COL5A1: variants seen among roughly 807,000 people sequenced by gnomAD.
COL5A1 encodes the protein collagen type V alpha 1 chain.
COL5A1 carries 16 observed loss-of-function variants against 263.7 expected under a neutral mutation model. The observed-to-expected ratio is 0.06, with a 90% CI of 0.04 to 0.09. COL5A1 has a LOEUF of 0.09. Among genes scored for constraint, COL5A1 ranks in the 10% least tolerant of loss-of-function variants. The pLI is 1.00. For synonymous variants in COL5A1, 1,012 were observed against 1,004.5 expected (o/e 1.01, Z -0.14); for missense variants, 2,036 against 2,540.5 (o/e 0.80, Z 4.27).
chr9:134,738,640 G>C, intron 10 of COL5A1, 106 bp from the exon 11 acceptor site: 1 of 1,528,976 alleles, frequency 6.5e-7, no homozygotes, highest in Admixed American at 1.7e-5. Context: ...TCCCCTGGGA[G>C]CCGGCGCTAT....
At chr9:134,646,079 C>T (rs1588395700) in intron 1 of COL5A1, among the ~76,000 whole-genome samples, 1 of 152,124 alleles carries the variant, frequency 6.6e-6, no homozygotes, top group African/African-American at 2.4e-5. Flanking sequence ...CAGCCACAGT[C>T]TCCACCACTT....
At chr9:134,763,290 T>C (rs1037373804) in intron 19 of COL5A1, among the ~76,000 whole-genome samples, 10 of 152,188 alleles carry the variant, frequency 6.6e-5, no homozygotes, top group African/African-American at 2.4e-4. Context: ...TTCCAGGCTG[T>C]TTAGGACCCC....
At chr9:134,760,092 C>A (rs1357561509) in intron 18 of COL5A1, among the ~76,000 whole-genome samples, 19 of 122,312 alleles carry the variant, frequency 1.6e-4, no homozygotes, top group African/African-American at 4.9e-4. Flanking sequence ...GCATACACGC[C>A]CACACACCCC....
intron 63 of COL5A1, among the ~76,000 whole-genome samples, chr9:134,827,121 T>C (rs1404389924): frequency 2.0e-5 from 3 of 152,210 alleles, no homozygotes; most frequent in African/African-American, 7.2e-5. Context: ...AGCGGTTTGC[T>C]GTGCAGGTCC....
At chr9:134,722,493 C>T (rs1452387709) in intron 4 of COL5A1, among the ~76,000 whole-genome samples, 2 of 152,154 alleles carry the variant, frequency 1.3e-5, no homozygotes, top group African/African-American at 2.4e-5. Context: ...CGGGGTTGTG[C>T]CGGACACGCC....
At chr9:134,711,120 C>T (rs1164225701) in intron 4 of COL5A1, among the ~76,000 whole-genome samples, 1 of 152,114 alleles carries the variant, frequency 6.6e-6, no homozygotes, top group Non-Finnish European at 1.5e-5. Context: ...CCACAGCTGG[C>T]CTCCGCCTCT....
intron 1 of COL5A1, among the ~76,000 whole-genome samples, chr9:134,684,344 G>C (rs1401580191): frequency 6.6e-6 from 1 of 152,218 alleles, no homozygotes; most frequent in Non-Finnish European, 1.5e-5. Flanking sequence ...GGGGGAAACA[G>C]AGCGTTGCTG....
Position 134,822,718 on chromosome 9 carries a change from G to GCCCCCC in COL5A1, c.4609-279_4609-278insCCCCCC, listed in dbSNP as rs370666409. Reference sequence around the variant, plus strand: ...GAGCCAGGACATGCTCTTTTCCGCTGCGCCCCCCCCGCGGCTGTCTGAGCT... The same window carrying GCCCCCC: ...GAGCCAGGACATGCTCTTTTCCGCTGCCCCCCCGCCCCCCCCGCGGCTGTCTGAGCT... On this transcript the variant is annotated intron_variant, in intron 59 of 65. Transcript: ENST00000371817. Among the ~76,000 whole-genome samples, 303 of 142,842 alleles carry GCCCCCC rather than the reference G, an allele frequency of 2.1e-3. 10 individuals carry two copies. Among genetic ancestry groups the GCCCCCC allele is most frequent in the African/African-American group, 8.4e-3 (288 of 34,422 alleles). The allele number at this position is 142,842 out of a possible 152,430, so 93.7% of individuals were successfully genotyped here.
At chr9:134,771,345 C>G (rs1198515495) in intron 25 of COL5A1, among the ~76,000 whole-genome samples, 1 of 152,240 alleles carries the variant, frequency 6.6e-6, no homozygotes, top group Non-Finnish European at 1.5e-5. Flanking sequence ...TGTTCAGGTC[C>G]AGCCCGGCCA....
chr9:134,674,064 G>A (rs76901301), intron 1 of COL5A1, among the ~76,000 whole-genome samples: 5,329 of 152,304 alleles, frequency 0.035, 230 homozygotes, highest in African/African-American at 0.11. Flanking sequence ...CCCATTCTTG[G>A]TGGGGATGCA....
In COL5A1 at chr9:134,841,971, C is replaced by T. The variant is rs569342463; in HGVS notation, c.5371-186C>T. On this transcript the variant is annotated intron_variant, in intron 65 of 65. Transcript: ENST00000371817. The surrounding 1 kb of genome is among the most constrained non-coding windows in gnomAD (Gnocchi z 4.8). ...GCAGGGGGACTCTTGGGACATCCAC[C>T]GGGGTTAAATGCATGCTCTGATCAG... Among the ~76,000 whole-genome samples the T allele has an allele frequency of 6.4e-4, 97 of 152,250 alleles. No individual in the cohort carries two copies. Among genetic ancestry groups the T allele is most frequent in the Non-Finnish European group, 1.1e-3 (77 of 68,018 alleles).
intron 4 of COL5A1, among the ~76,000 whole-genome samples, chr9:134,713,805 A>C (rs988205071): frequency 6.6e-6 from 1 of 152,134 alleles, no homozygotes; most frequent in Admixed American, 6.5e-5. Flanking sequence ...ACAGAAGCTG[A>C]ATAGAAAGAA....
chr9:134,828,728 GAC>G (rs370979639), intron 63 of COL5A1, among the ~76,000 whole-genome samples: 5,030 of 14,770 alleles, frequency 0.34, 179 homozygotes, highest in African/African-American at 0.46. Flanking sequence ...CCACACATCA[GAC>G]ACACAGATAC....
chr9:134,808,436 T>C (rs1838374168), intron 42 of COL5A1, among the ~76,000 whole-genome samples: 1 of 151,828 alleles, frequency 6.6e-6, no homozygotes, highest in Non-Finnish European at 1.5e-5. Flanking sequence ...ACAGGAAAAA[T>C]AGTGTGTGCG....
chr9:134,736,757 C>T (rs1204493958), intron 9 of COL5A1, among the ~76,000 whole-genome samples: 1 of 152,220 alleles, frequency 6.6e-6, no homozygotes, highest in African/African-American at 2.4e-5. Context: ...CCCTGTCCAG[C>T]TGTGAGCTTG....
intron 4 of COL5A1, among the ~76,000 whole-genome samples, chr9:134,704,344 C>G (rs1174180311): frequency 6.6e-6 from 1 of 152,172 alleles, no homozygotes; most frequent in Non-Finnish European, 1.5e-5. Flanking sequence ...ATGAAAAATG[C>G]CTATGAGTGG....
chr9:134,829,887 G>A (rs1024806186), intron 63 of COL5A1, 89 bp from the exon 64 acceptor site: 18 of 1,438,284 alleles, frequency 1.3e-5, no homozygotes, highest in African/African-American at 5.7e-5. Flanking sequence ...CGCGGGGGCC[G>A]GGAAAGCCTG....
At chr9:134,666,388 C>G (rs1832357201) in intron 1 of COL5A1, among the ~76,000 whole-genome samples, 1 of 91,392 alleles carries the variant, frequency 1.1e-5, no homozygotes, top group East Asian at 2.5e-4. Flanking sequence ...GGCCCATGGC[C>G]TTCTTCTCTG....
intron 39 of COL5A1, among the ~76,000 whole-genome samples, 193 bp from the exon 40 acceptor site, chr9:134,804,782 C>T (rs1000065073): frequency 2.6e-5 from 4 of 151,988 alleles, no homozygotes; most frequent in South Asian, 2.1e-4. Flanking sequence ...GGCCTTGCTC[C>T]GGGGCTGGTG....
Sources: gnomAD v4.1 joint callset for allele counts (sites outside exome capture counted in the v4.1 genomes callset) on GRCh38, gnomAD v4.1.1 for gene constraint, Gnocchi (gnomAD v3.1) non-coding constraint, MANE v1.5 for transcripts, NCBI Gene and HGNC (gene_info 2026-07-23, HGNC 2026-07-21) for gene names.